The following ZAP70 variants were observed in gnomAD, a reference collection of about 807,000 sequenced individuals.
ZAP70 encodes zeta chain of T cell receptor associated protein kinase 70.
In ZAP70, 27 loss-of-function variants were observed where a neutral mutation model predicts 65.8. That is an observed-to-expected ratio of 0.41 (90% CI 0.30 to 0.57). The LOEUF (loss-of-function observed/expected upper bound fraction) is 0.57. Among genes scored for constraint, ZAP70 ranks in the 20% least tolerant of loss-of-function variants. The probability of loss-of-function intolerance (pLI) is 0.28; values close to 1 mark genes in which losing one functional copy is unlikely to be tolerated. For synonymous variants in ZAP70, 363 were observed against 360.8 expected, an observed-to-expected ratio of 1.01 and a Z score of -0.07; for missense variants, 696 against 870.5, an observed-to-expected ratio of 0.80 and a Z score of 2.52.
At chr2:97,721,047 T>C (rs1236209658) in intron 2 of ZAP70, among the ~76,000 whole-genome samples, 3 of 152,254 alleles carry the variant, frequency 2.0e-5, no homozygotes, top group Non-Finnish European at 4.4e-5. Flanking sequence ...GTAGCCTTGC[T>C]GGGCCTATGT....
chr2:97,725,061 C>G (rs1342631464), intron 3 of ZAP70, 31 bp from the exon 4 acceptor site: 1 of 1,612,712 alleles, frequency 6.2e-7, no homozygotes, highest in East Asian at 2.2e-5. Flanking sequence ...CTTGGCCACA[C>G]CTACAGACCT....
chr2:97,748,805 G>T, the ZAP70 span, among the ~76,000 whole-genome samples: 2 of 152,108 alleles, frequency 1.3e-5, no homozygotes, highest in Admixed American at 1.3e-4. Flanking sequence ...CCGTAGCACT[G>T]TAAGGCCAAA....
At chr2:97,726,196 G>A (rs1476188609) in intron 4 of ZAP70, among the ~76,000 whole-genome samples, 1 of 152,166 alleles carries the variant, frequency 6.6e-6, no homozygotes, top group Non-Finnish European at 1.5e-5. Context: ...CCACAGCTGA[G>A]GCCATGTAGC....
rs1410167832 is a variant in ZAP70, at chr2:97,739,758, G to T, written c.*260G>T. On this transcript the variant is annotated 3_prime_UTR_variant, in exon 14 of 14. Transcript: ENST00000264972. Reference sequence around the variant, plus strand: ...GCTCCCGGAGGGCCCTGAGCTGAGGGCATTGCTTACACGGATGCCTTCCCC... The same window carrying T: ...GCTCCCGGAGGGCCCTGAGCTGAGGTCATTGCTTACACGGATGCCTTCCCC... 1.8e-6 allele frequency: 1 copy of T among 561,796 alleles called. No homozygotes were observed. The highest frequency in any genetic ancestry group is 1.9e-5 in the African/African-American group (1 of 53,184). 34.8% of individuals were successfully genotyped at this position (561,796 alleles called of 1,614,324 possible). A position where few individuals can be genotyped will look rare whatever the true frequency, so the allele number is the denominator to read the frequency against.
At chr2:97,725,015 G>C in intron 3 of ZAP70, 77 bp from the exon 4 acceptor site, 1 of 1,594,898 alleles carries the variant, frequency 6.3e-7, no homozygotes, top group Admixed American at 1.7e-5. Flanking sequence ...AGTCCTCTGG[G>C]ACAGGGCTCC....
the ZAP70 span, among the ~76,000 whole-genome samples, chr2:97,755,743 CCT>C: frequency 6.6e-6 from 1 of 152,110 alleles, no homozygotes; most frequent in Non-Finnish European, 1.5e-5. Flanking sequence ...TGCTGTCTTC[CCT>C]CTGTGCCCCG....
chr2:97,734,643 T>G lies in ZAP70; in HGVS notation c.1013T>G (p.Leu338Arg). Residue 338 changes from leucine to arginine, a missense_variant, in exon 9 of 14, where the codon CTC becomes CGC. By Grantham distance (102) the Leu-to-Arg change is moderately radical (BLOSUM62 -2). This residue lies in a region of ZAP70 where 551 missense variants were observed against 630.0 expected (regional missense o/e 0.87). Coordinates refer to ENST00000264972, the MANE Select transcript of ZAP70 (RefSeq NM_001079.4). Reference protein sequence around the residue: ...KKLFLKRDNLLIADIELGCGN... With the variant: ...KKLFLKRDNLRIADIELGCGN... ...CTCTTCCTGAAGCGCGATAACCTCC[T>G]CATAGCTGACATTGAACTTGGCTGC... The G allele has an allele frequency of 6.2e-7, 1 of 1,614,186 alleles. No individual in the cohort carries two copies. The highest frequency in any genetic ancestry group is 8.5e-7 in the Non-Finnish European group (1 of 1,180,022).
the ZAP70 span, among the ~76,000 whole-genome samples, chr2:97,747,896 T>A: frequency 6.9e-6 from 1 of 145,932 alleles, no homozygotes; most frequent in East Asian, 2.0e-4. Flanking sequence ...GGCTGCTTTG[T>A]AGTGTGGAAG....
chr2:97,753,792 C>CA, the ZAP70 span, among the ~76,000 whole-genome samples: 3 of 152,042 alleles, frequency 2.0e-5, no homozygotes, highest in Admixed American at 6.6e-5. Context: ...GGCAACGAAG[C>CA]AAGACCTCAT....
chr2:97,752,158 C>A, the ZAP70 span, among the ~76,000 whole-genome samples: 1 of 152,250 alleles, frequency 6.6e-6, no homozygotes, highest in South Asian at 2.1e-4. Flanking sequence ...TTATAATCCA[C>A]GGCAGAAGGC....
In ZAP70 at chr2:97,737,849, T is replaced by C. The variant is rs1364691930; in HGVS notation, c.1575T>C (p.Tyr525=). ...KFSSRSDVWS[Y]GVTMWEALSY... is the part of the protein sequence containing the mutation. ...CCAGCCGCAGCGATGTCTGGAGCTA[T>C]GGGGTCACCATGTGGGAGGCCTTGT... Residue 525 remains tyrosine (Y), a synonymous_variant, in exon 12 of 14, where the codon TAT becomes TAC. Coordinates refer to ENST00000264972, the MANE Select transcript of ZAP70 (RefSeq NM_001079.4). The surrounding 1 kb of genome is among the most constrained non-coding windows in gnomAD (Gnocchi z 5.0). The C allele has an allele frequency of 6.2e-7, 1 of 1,613,972 alleles. No homozygotes were observed. The highest frequency in any genetic ancestry group is 1.3e-5 in the African/African-American group (1 of 74,908).
chr2:97,751,132 C>T, the ZAP70 span, among the ~76,000 whole-genome samples: 1 of 152,216 alleles, frequency 6.6e-6, no homozygotes, highest in Non-Finnish European at 1.5e-5. Flanking sequence ...TCTGAATATA[C>T]ATGAGTGTGT....
chr2:97,716,208 G>GC (rs1329054251), intron 2 of ZAP70, among the ~76,000 whole-genome samples: 10 of 152,222 alleles, frequency 6.6e-5, no homozygotes, highest in African/African-American at 2.4e-4. Flanking sequence ...CTCCTCTCCC[G>GC]CCATCCTCCA....
At chr2:97,744,172 C>CT (rs1678193556), downstream of ZAP70, among the ~76,000 whole-genome samples, 1 of 152,214 alleles carries the variant, frequency 6.6e-6, no homozygotes, top group South Asian at 2.1e-4. Context: ...ACCCTATCCA[C>CT]TCCCCGCTCC....
At chr2:97,724,679 G>C (rs748868410) in intron 3 of ZAP70, 1 of 1,525,866 alleles carries the variant, frequency 6.6e-7, no homozygotes, top group South Asian at 1.2e-5. Context: ...TATGCCAGAT[G>C]GGAAGGTAGA....
At chr2:97,734,837 G>C in intron 9 of ZAP70, 125 bp downstream of exon 9, 1 of 1,345,298 alleles carries the variant, frequency 7.4e-7, no homozygotes, top group South Asian at 1.2e-5. Context: ...ACAGACTCTG[G>C]GGCAGGACGT....
rs371153389 is a variant in ZAP70, at chr2:97,724,471, G to T, written c.402+33G>T. ...CGCAGCCTGGGGCGCGGGGTCTGGA[G>T]GGGCGTGGCCGAAGAGGGGCAGTCG... On this transcript the variant is annotated intron_variant, in intron 3 of 13. Coordinates refer to ENST00000264972, the MANE Select transcript of ZAP70 (RefSeq NM_001079.4). 5 of 1,517,564 alleles carry T rather than the reference G, an allele frequency of 3.3e-6. No homozygotes were observed. The African/African-American group carries it at 5.5e-5, about 17-fold the overall frequency. The allele number at this position is 1,517,564 out of a possible 1,614,324, so 94.0% of individuals were successfully genotyped here.
chr2:97,737,805 A>G lies in ZAP70; in HGVS notation c.1531A>G (p.Ile511Val). 1 of 1,614,142 alleles carries G rather than the reference A, an allele frequency of 6.2e-7. No individual in the cohort carries two copies. Among genetic ancestry groups the G allele is most frequent in the Non-Finnish European group, 8.5e-7 (1 of 1,179,998 alleles). ...WPLKWYAPEC[I>V]NFRKFSSRSD... ...GCTCAAGTGGTACGCACCCGAATGC[A>G]TCAACTTCCGCAAGTTCTCCAGCCG... Residue 511 changes from isoleucine to valine, a missense_variant, in exon 12 of 14, where the codon ATC (isoleucine) becomes GTC (valine). By Grantham distance (29) the Ile-to-Val change is conservative. Around this residue, in one of 3 missense-constraint regions of ZAP70, gnomAD observed 67 missense variants for 151.9 expected, o/e 0.44. Coordinates refer to ENST00000264972, the MANE Select transcript of ZAP70 (RefSeq NM_001079.4). The surrounding 1 kb of genome is among the most constrained non-coding windows in gnomAD (Gnocchi z 5.0).
Position 97,739,628 on chromosome 2 carries a change from C to G in ZAP70, c.*130C>G. 7.2e-7 allele frequency: 1 copy of G among 1,382,392 alleles called. No individual in the cohort carries two copies. The highest frequency in any genetic ancestry group is 9.8e-7 in the Non-Finnish European group (1 of 1,024,198). The allele number at this position is 1,382,392 out of a possible 1,614,324, so 85.6% of individuals were successfully genotyped here. On this transcript the variant is annotated 3_prime_UTR_variant, in exon 14 of 14. Coordinates refer to ENST00000264972, the MANE Select transcript of ZAP70 (RefSeq NM_001079.4). Reference sequence around the variant, plus strand: ...AGCTGGGCTGTGGTAGGGGGTGTCTCAGGCCACACCGGCCTTGCATTGCCT... The same window carrying G: ...AGCTGGGCTGTGGTAGGGGGTGTCTGAGGCCACACCGGCCTTGCATTGCCT...
Sources: allele counts gnomAD v4.1 joint callset (sites outside exome capture counted in the v4.1 genomes callset), GRCh38; gene constraint gnomAD v4.1.1; regional missense constraint gnomAD v4.1.1; non-coding constraint Gnocchi (gnomAD v3.1); transcripts MANE v1.5; gene names NCBI Gene and HGNC (gene_info 2026-07-23, HGNC 2026-07-21).